Variants in AGTPBP1 observed in about 807,000 individuals in gnomAD.
AGTPBP1 encodes ATP/GTP binding carboxypeptidase 1.
Under a neutral mutation model 143.9 loss-of-function variants are expected in AGTPBP1, and 70 were observed. The observed-to-expected ratio is 0.49, with a 90% confidence interval of 0.40 to 0.59. The LOEUF (loss-of-function observed/expected upper bound fraction) is 0.59, where lower values mean the gene tolerates loss of function less well. Ranked by LOEUF, AGTPBP1 falls within the 20% of genes least tolerant of loss-of-function variation. The pLI, the probability that AGTPBP1 is intolerant of heterozygous loss-of-function variation, is 0.00. For synonymous variants in AGTPBP1, 463 were observed against 500.2 expected, an observed-to-expected ratio of 0.93 and a Z score of 0.99; for missense variants, 1,229 against 1,464.5, an observed-to-expected ratio of 0.84 and a Z score of 2.62.
intron 14 of AGTPBP1, 112 bp downstream of exon 14, chr9:85,632,549 TA>T: frequency 1.1e-6 from 1 of 923,710 alleles, no homozygotes; most frequent in South Asian, 2.0e-5. Context: ...AAAAATACAG[TA>T]ACTTATAACT....
chr9:85,735,040 A>T (rs1253084067), intron 1 of AGTPBP1, among the ~76,000 whole-genome samples: 1 of 152,174 alleles, frequency 6.6e-6, no homozygotes, highest in Non-Finnish European at 1.5e-5. Context: ...ATCTAAAAAA[A>T]TTTTAAAAAT....
At chr9:85,569,660 G>A (rs926726619) in intron 25 of AGTPBP1, among the ~76,000 whole-genome samples, 1 of 152,130 alleles carries the variant, frequency 6.6e-6, no homozygotes, top group Non-Finnish European at 1.5e-5. Flanking sequence ...CTGAATAGCT[G>A]TACGCTAGTA....
chr9:85,636,996 A>T (rs974123762), intron 13 of AGTPBP1, among the ~76,000 whole-genome samples: 2 of 151,796 alleles, frequency 1.3e-5, no homozygotes, highest in Non-Finnish European at 2.9e-5. Flanking sequence ...AAGTTCACTG[A>T]TAGGTATTTA....
chr9:85,677,586 A>C lies in AGTPBP1; in HGVS notation c.290-4T>G. 6.6e-7 allele frequency: 1 copy of C among 1,525,648 alleles called. No individual in the cohort carries two copies. 94.5% of individuals were successfully genotyped at this position (1,525,648 alleles called of 1,614,324 possible). Reference sequence around the variant, plus strand: ...AAACTCACTCTTCGACCTCCACCTAAAAATTAAAAAAAAAAAAAATTTAAA... The same window carrying C: ...AAACTCACTCTTCGACCTCCACCTACAAATTAAAAAAAAAAAAAATTTAAA... On this transcript the variant is annotated splice_region_variant and splice_polypyrimidine_tract_variant and intron_variant, in intron 5 of 25. Coordinates refer to ENST00000357081, the MANE Select transcript of AGTPBP1 (RefSeq NM_001330701.2).
At chr9:85,763,654 T>C in the AGTPBP1 span, among the ~76,000 whole-genome samples, 437 of 152,076 alleles carry the variant, frequency 2.9e-3, no homozygotes, top group Non-Finnish European at 3.3e-3. Context: ...AGAGTAGGTA[T>C]AAGAGTGCTA....
At chr9:85,674,078 G>C (rs572101859) in intron 6 of AGTPBP1, among the ~76,000 whole-genome samples, 2 of 145,130 alleles carry the variant, frequency 1.4e-5, no homozygotes, top group Admixed American at 7.0e-5. Flanking sequence ...AGCCGAGATC[G>C]TACCACTGCA....
At chr9:85,746,864 G>C (rs1192606740), upstream of AGTPBP1, among the ~76,000 whole-genome samples, 1 of 151,054 alleles carries the variant, frequency 6.6e-6, no homozygotes, top group African/African-American at 2.5e-5. Context: ...CCTTACATAT[G>C]TACAATTTTG....
intron 25 of AGTPBP1, among the ~76,000 whole-genome samples, chr9:85,550,636 T>C (rs1055319263): frequency 5.9e-5 from 9 of 152,188 alleles, no homozygotes; most frequent in African/African-American, 1.9e-4. Context: ...CTTCCGTACA[T>C]GCATGGACTT....
intron 11 of AGTPBP1, among the ~76,000 whole-genome samples, chr9:85,650,864 A>C (rs1157559057): frequency 2.6e-5 from 4 of 152,192 alleles, no homozygotes; most frequent in African/African-American, 9.6e-5. Context: ...TAGCTTGCAT[A>C]AAATAATCTT....
Position 85,591,081 on chromosome 9 carries a change from T to C in AGTPBP1, c.2569-1400A>G, listed in dbSNP as rs1247235458. 9.3e-4 allele frequency among the ~76,000 whole-genome samples: 142 copies of C among 151,982 alleles called. 2 individuals carry two copies. The highest frequency in any genetic ancestry group is 7.4e-5 in the Non-Finnish European group (5 of 67,968). On this transcript the variant is annotated intron_variant, in intron 19 of 25. Transcript: ENST00000357081. ...TGAGGATACAATTTAAATGATTTCA[T>C]GGATATTAATTGAGGATGAGGATAC... is the stretch of plus-strand genomic sequence containing the variant.
chr9:85,758,014 C>T, the AGTPBP1 span, among the ~76,000 whole-genome samples: 1,999 of 152,118 alleles, frequency 0.013, 27 homozygotes, highest in African/African-American at 0.032. Flanking sequence ...ACTTCCTAGC[C>T]GGAGATTGGC....
At chr9:85,610,299 G>A (rs1477559903) in intron 17 of AGTPBP1, among the ~76,000 whole-genome samples, 2 of 151,942 alleles carry the variant, frequency 1.3e-5, no homozygotes, top group Non-Finnish European at 2.9e-5. Flanking sequence ...TCCCTTCCAA[G>A]TAATGGGGGG....
chr9:85,626,523 G>C (rs1831304302), intron 14 of AGTPBP1, among the ~76,000 whole-genome samples: 1 of 152,186 alleles, frequency 6.6e-6, no homozygotes. Context: ...AGATGCAGAA[G>C]ACTAGGCAAA....
the AGTPBP1 span, among the ~76,000 whole-genome samples, chr9:85,783,170 T>C: frequency 3.3e-5 from 5 of 152,192 alleles, no homozygotes; most frequent in Admixed American, 1.3e-4. Flanking sequence ...TAAAACATAG[T>C]TAATCTTGGA....
At chr9:85,667,598 CCAGCTCCACCTAT>C (rs1370533667) in intron 8 of AGTPBP1, among the ~76,000 whole-genome samples, 1 of 151,988 alleles carries the variant, frequency 6.6e-6, no homozygotes, top group Non-Finnish European at 1.5e-5. Flanking sequence ...AACAAAGTTG[CCAGCTCCACCTAT>C]GAAATATTTT....
upstream of AGTPBP1, among the ~76,000 whole-genome samples, chr9:85,744,878 T>C (rs1824563714): frequency 6.6e-6 from 1 of 152,270 alleles, no homozygotes; most frequent in African/African-American, 2.4e-5. Flanking sequence ...GAAATCATAC[T>C]TTTATCTCTC....
chr9:85,788,725 ATAT>A, the AGTPBP1 span, among the ~76,000 whole-genome samples: 3 of 149,788 alleles, frequency 2.0e-5, no homozygotes, highest in African/African-American at 7.3e-5. Flanking sequence ...ATTTCACTTT[ATAT>A]TATTTAATAT....
At chr9:85,658,389 A>G (rs997841289) in intron 9 of AGTPBP1, among the ~76,000 whole-genome samples, 6 of 152,086 alleles carry the variant, frequency 3.9e-5, no homozygotes, top group Middle Eastern at 3.2e-3. Flanking sequence ...ACCTAATTTT[A>G]TTATTTTTAA....
At chr9:85,728,455 A>G (rs960257046) in intron 1 of AGTPBP1, among the ~76,000 whole-genome samples, 4 of 152,176 alleles carry the variant, frequency 2.6e-5, no homozygotes, top group African/African-American at 9.6e-5. Flanking sequence ...GATTTCCCTG[A>G]ACCAGTAATG....
Sources: gnomAD v4.1 joint callset for allele counts (sites outside exome capture counted in the v4.1 genomes callset) on GRCh38, gnomAD v4.1.1 for gene constraint, MANE v1.5 for transcripts, NCBI Gene and HGNC (gene_info 2026-07-23, HGNC 2026-07-21) for gene names.